Variants in SP3 observed in about 807,000 individuals in gnomAD.
SP3 encodes Sp3 transcription factor.
SP3 carries 10 observed loss-of-function variants against 70.3 expected under a neutral mutation model. The observed-to-expected ratio is 0.14, with a 90% CI of 0.09 to 0.24. SP3 has a LOEUF of 0.24. SP3 is among the 10% of genes least tolerant of loss of function. The pLI, the probability that SP3 is intolerant of heterozygous loss-of-function variation, is 1.00. For missense variants in SP3, 825 were observed against 914.6 expected (o/e 0.90, Z 1.26); for synonymous variants, 402 against 333.5 (o/e 1.21, Z -2.24).
intron 4 of SP3, among the ~76,000 whole-genome samples, chr2:173,935,500 C>G (rs1218073090): frequency 6.6e-6 from 1 of 152,054 alleles, no homozygotes. Context: ...TTCCTGTCAC[C>G]CAAAGAAATA....
chr2:173,931,659 G>T (rs1690071505), intron 4 of SP3, among the ~76,000 whole-genome samples: 1 of 152,086 alleles, frequency 6.6e-6, no homozygotes, highest in South Asian at 2.1e-4. Flanking sequence ...CTGTTGTTTA[G>T]TGTGGCCATT....
At chr2:173,928,284 G>A (rs571666418) in intron 4 of SP3, among the ~76,000 whole-genome samples, 1 of 152,324 alleles carries the variant, frequency 6.6e-6, no homozygotes, top group East Asian at 1.9e-4. Context: ...ACTGTTAAGT[G>A]TCAGCAGAGA....
intron 4 of SP3, among the ~76,000 whole-genome samples, chr2:173,929,345 T>A (rs1273391412): frequency 6.6e-6 from 1 of 152,242 alleles, no homozygotes; most frequent in African/African-American, 2.4e-5. Flanking sequence ...GTCCCTCCAT[T>A]CAGAAGGTAA....
intron 4 of SP3, among the ~76,000 whole-genome samples, chr2:173,935,827 C>A (rs1690192623): frequency 6.6e-6 from 1 of 150,540 alleles, no homozygotes; most frequent in African/African-American, 2.4e-5. Context: ...TTTCCCCTCA[C>A]AAACGTGCCA....
intron 3 of SP3, among the ~76,000 whole-genome samples, chr2:173,959,015 A>C (rs1690979038): frequency 6.6e-6 from 1 of 152,204 alleles, no homozygotes; most frequent in Admixed American, 6.5e-5. Context: ...AAATTAGCCT[A>C]GCACAATTCC....
chr2:173,919,239 A>G (rs573500680), intron 4 of SP3, among the ~76,000 whole-genome samples: 6 of 152,318 alleles, frequency 3.9e-5, no homozygotes, highest in African/African-American at 1.4e-4. Context: ...CAAAGTGCTC[A>G]CTAAAGACAA....
Position 173,904,563 on chromosome 2 carries a change from G to A in SP3, c.*5378C>T, listed in dbSNP as rs1244613665. ...AGAAAGCCATTTTCTTTTTCTTCTG[G>A]GGTTGAATGTCATCTTTGCTTTCTC... On this transcript the variant is annotated 3_prime_UTR_variant, in exon 7 of 7. Coordinates refer to ENST00000310015, the MANE Select transcript of SP3 (RefSeq NM_003111.5). Among the ~76,000 whole-genome samples, 1 of 152,116 alleles carries A rather than the reference G, an allele frequency of 6.6e-6. No homozygotes were observed. Among genetic ancestry groups the A allele is most frequent in the Non-Finnish European group, 1.5e-5 (1 of 68,014 alleles).
intron 3 of SP3, among the ~76,000 whole-genome samples, chr2:173,958,823 G>A (rs1690974708): frequency 6.7e-6 from 1 of 150,290 alleles, no homozygotes; most frequent in Non-Finnish European, 1.5e-5. Context: ...TGGCTACACT[G>A]TGGAATTGTG....
chr2:173,917,348 C>G (rs1385643396), intron 5 of SP3, among the ~76,000 whole-genome samples: 2 of 151,882 alleles, frequency 1.3e-5, no homozygotes, highest in African/African-American at 4.8e-5. Flanking sequence ...ACATGAATAC[C>G]TAAGGATCAG....
At chr2:173,954,004 T>C (rs1425774931) in intron 4 of SP3, among the ~76,000 whole-genome samples, 2 of 152,200 alleles carry the variant, frequency 1.3e-5, no homozygotes, top group African/African-American at 4.8e-5. Flanking sequence ...TGTCAATCAG[T>C]TCAGTTAAAG....
chr2:173,939,553 C>T (rs1690300032), intron 4 of SP3, among the ~76,000 whole-genome samples: 1 of 151,994 alleles, frequency 6.6e-6, no homozygotes, highest in African/African-American at 2.4e-5. Flanking sequence ...CACCTGAGGT[C>T]AGGAGTTTGA....
intron 4 of SP3, among the ~76,000 whole-genome samples, chr2:173,931,936 A>T (rs1424246830): frequency 6.6e-6 from 1 of 152,208 alleles, no homozygotes; most frequent in South Asian, 2.1e-4. Context: ...TCTCCATATC[A>T]GCAATGAGAC....
At chr2:173,956,253 G>A (rs775088180) in intron 3 of SP3, 21 bp from the exon 4 acceptor site, 2 of 1,550,366 alleles carry the variant, frequency 1.3e-6, no homozygotes, top group East Asian at 4.5e-5. Context: ...AAAACAAAAA[G>A]GTGATATATT....
chr2:173,926,265 G>A (rs1255068763), intron 4 of SP3, among the ~76,000 whole-genome samples: 1 of 152,078 alleles, frequency 6.6e-6, no homozygotes, highest in African/African-American at 2.4e-5. Flanking sequence ...TAAGACCAAT[G>A]AAGGAAACAT....
At position 173,955,023 on chromosome 2, in the gene SP3, G is replaced by A; in HGVS notation, c.1489C>T (p.Leu497Phe). The change falls in exon 4 of 7, where the codon CTT (leucine) becomes TTT (phenylalanine). Residue 497 changes from leucine (L) to phenylalanine (F), a missense_variant. Around this residue, in one of 4 missense-constraint regions of SP3, gnomAD observed 678 missense variants for 651.6 expected, o/e 1.04. Transcript: ENST00000310015. ...ITLTPVQTLT[L>F]GQVAAGGAFT... The stretch of plus-strand genomic sequence containing the variant: ...GCTCCACCTGCCGCAACTTGACCAA[G>A]TGTGAGGGTTTGAACAGGCGTCAAA... 11 of 1,614,246 alleles carry A rather than the reference G, an allele frequency of 6.8e-6. No homozygotes were observed. Among genetic ancestry groups the A allele is most frequent in the South Asian group, 1.1e-5 (1 of 91,084 alleles).
Position 173,944,976 on chromosome 2 carries a change from A to C in SP3, c.1639+9897T>G, listed in dbSNP as rs7592368. Among the ~76,000 whole-genome samples, 799 of 152,278 alleles carry C rather than the reference A, an allele frequency of 5.2e-3. 3 individuals carry two copies. Among genetic ancestry groups the C allele is most frequent in the African/African-American group, 0.018 (763 of 41,556 alleles). On this transcript the variant is annotated intron_variant, in intron 4 of 6. Coordinates refer to ENST00000310015, the MANE Select transcript of SP3 (RefSeq NM_003111.5). The stretch of plus-strand genomic sequence containing the variant: ...TACGAAAAACAAACACTGAGCAGCC[A>C]TTTGTTCAAGATGCATTTAATAAGT...
At chr2:173,918,114 T>A (rs1689657210) in intron 5 of SP3, among the ~76,000 whole-genome samples, 1 of 152,114 alleles carries the variant, frequency 6.6e-6, no homozygotes, top group South Asian at 2.1e-4. Context: ...TCTGTCTTAA[T>A]GTTTACCTTT....
At position 173,918,803 on chromosome 2, in the gene SP3, C is replaced by G; in HGVS notation, c.1640-18G>C. ...CCTAATATCTAAAGGGAAAAAAAAA[C>G]CAAATACAGATGAGAAGCAACCAAA... On this transcript the variant is annotated intron_variant, in intron 4 of 6. Coordinates refer to ENST00000310015, the MANE Select transcript of SP3 (RefSeq NM_003111.5). 1 of 1,586,138 alleles carries G rather than the reference C, an allele frequency of 6.3e-7. No individual in the cohort carries two copies. The highest frequency in any genetic ancestry group is 8.6e-7 in the Non-Finnish European group (1 of 1,165,506).
intron 4 of SP3, among the ~76,000 whole-genome samples, chr2:173,931,046 A>C (rs1040646892): frequency 1.3e-5 from 2 of 152,206 alleles, no homozygotes; most frequent in South Asian, 4.1e-4. Flanking sequence ...TTCCCAGTAC[A>C]TATGTTTATA....
Sources: allele counts gnomAD v4.1 joint callset (sites outside exome capture counted in the v4.1 genomes callset), GRCh38; gene constraint gnomAD v4.1.1; regional missense constraint gnomAD v4.1.1; transcripts MANE v1.5; gene names NCBI Gene and HGNC (gene_info 2026-07-23, HGNC 2026-07-21).